VOPP1: variants seen among roughly 807,000 people sequenced by gnomAD.
The protein encoded by VOPP1 is WW domain binding protein VOPP1.
VOPP1 carries 8 observed loss-of-function variants against 23.5 expected under a neutral mutation model. The observed-to-expected ratio is 0.34, with a 90% confidence interval of 0.20 to 0.61. VOPP1 has a LOEUF of 0.61. Among genes scored for constraint, VOPP1 ranks in the 20% least tolerant of loss-of-function variants. The probability of loss-of-function intolerance (pLI) is 0.78; values close to 1 mark genes in which losing one functional copy is unlikely to be tolerated. For missense variants in VOPP1, 174 were observed against 238.1 expected, an observed-to-expected ratio of 0.73 and a Z score of 1.77; for synonymous variants, 83 against 97.3, an observed-to-expected ratio of 0.85 and a Z score of 0.86.
chr7:55,490,959 C>A (rs1341645231), intron 4 of VOPP1, among the ~76,000 whole-genome samples: 2 of 152,330 alleles, frequency 1.3e-5, no homozygotes, highest in African/African-American at 4.8e-5. Context: ...GACTTTGCAT[C>A]TTGATAACAG....
At chr7:55,502,563 C>A (rs1237478818) in intron 2 of VOPP1, among the ~76,000 whole-genome samples, 1 of 152,226 alleles carries the variant, frequency 6.6e-6, no homozygotes, top group Non-Finnish European at 1.5e-5. Context: ...ACTGTTACCC[C>A]TTTTCTGTCT....
intron 1 of VOPP1, among the ~76,000 whole-genome samples, chr7:55,532,242 C>T (rs1366505583): frequency 1.3e-5 from 2 of 152,248 alleles, no homozygotes; most frequent in African/African-American, 4.8e-5. Context: ...TAAACACACA[C>T]AGCACCTGCC....
chr7:55,442,652 C>CA (rs11302671), intron 4 of VOPP1, among the ~76,000 whole-genome samples: 25,404 of 139,238 alleles, frequency 0.18, 2,324 homozygotes, highest in Middle Eastern at 0.3. Context: ...TGAAGTAGAC[C>CA]AAAAAAAAAA....
intron 1 of VOPP1, among the ~76,000 whole-genome samples, chr7:55,524,889 C>T (rs151065638): frequency 5.3e-4 from 81 of 152,296 alleles, no homozygotes; most frequent in African/African-American, 1.9e-3. Context: ...GCACCAGCAC[C>T]AGGACTCAGG....
intron 1 of VOPP1, among the ~76,000 whole-genome samples, chr7:55,563,519 G>C (rs1798056141): frequency 6.6e-6 from 1 of 152,214 alleles, no homozygotes; most frequent in African/African-American, 2.4e-5. Flanking sequence ...CTTGGGACCA[G>C]AAGTGTTTTT....
intron 1 of VOPP1, among the ~76,000 whole-genome samples, chr7:55,562,622 T>C (rs1213876008): frequency 6.6e-6 from 1 of 152,146 alleles, no homozygotes; most frequent in African/African-American, 2.4e-5. Flanking sequence ...GGTCAACGGA[T>C]ACAAAATTGC....
At chr7:55,522,380 T>C (rs1408641209) in intron 1 of VOPP1, among the ~76,000 whole-genome samples, 1 of 152,200 alleles carries the variant, frequency 6.6e-6, no homozygotes, top group Non-Finnish European at 1.5e-5. Flanking sequence ...TGACCTAGTT[T>C]TATTAACGGA....
In VOPP1 at chr7:55,513,458, T is replaced by C. The variant is rs1159085645; in HGVS notation, c.113+7614A>G. 2.0e-5 allele frequency among the ~76,000 whole-genome samples: 3 copies of C among 152,016 alleles called. No homozygotes were observed. In the South Asian group the frequency reaches 6.3e-4, roughly 32 times the overall value. On this transcript the variant is annotated intron_variant, in intron 2 of 4. Coordinates refer to ENST00000285279, the MANE Select transcript of VOPP1 (RefSeq NM_030796.5). ...TGAATTCCCTATCGTCTCAGTGGAGTTGACTTCCGAGAAGCTTCCCCACAT... is the reference window on the plus strand; with the variant it reads ...TGAATTCCCTATCGTCTCAGTGGAGCTGACTTCCGAGAAGCTTCCCCACAT...
chr7:55,458,490 G>A (rs993970737), intron 4 of VOPP1, among the ~76,000 whole-genome samples: 4 of 152,048 alleles, frequency 2.6e-5, no homozygotes, highest in African/African-American at 9.7e-5. Flanking sequence ...AGATTGCTTT[G>A]AATCAAGTTT....
At chr7:55,487,383 C>T (rs1167118516) in intron 4 of VOPP1, among the ~76,000 whole-genome samples, 1 of 152,228 alleles carries the variant, frequency 6.6e-6, no homozygotes, top group Non-Finnish European at 1.5e-5. Flanking sequence ...CACATTAACA[C>T]CACAGATTTC....
intron 2 of VOPP1, chr7:55,516,012 AG>A: frequency 1.0e-6 from 1 of 985,536 alleles, no homozygotes; most frequent in Non-Finnish European, 1.2e-6. Flanking sequence ...AAAGGAGCTG[AG>A]GAAGCGAGGC....
chr7:55,554,063 T>G (rs1797719697), intron 1 of VOPP1, among the ~76,000 whole-genome samples: 1 of 152,222 alleles, frequency 6.6e-6, no homozygotes. Context: ...GTTGCCAAAA[T>G]GCAAAAGCTT....
intron 1 of VOPP1, among the ~76,000 whole-genome samples, chr7:55,524,630 G>T (rs891975201): frequency 6.6e-6 from 1 of 152,230 alleles, no homozygotes; most frequent in African/African-American, 2.4e-5. Flanking sequence ...ACGCCAAAAT[G>T]AGGACACAGA....
At chr7:55,510,440 T>C (rs1016107256) in intron 2 of VOPP1, among the ~76,000 whole-genome samples, 2 of 152,172 alleles carry the variant, frequency 1.3e-5, no homozygotes, top group South Asian at 4.1e-4. Flanking sequence ...CAAATAAAAC[T>C]TATTTAATCC....
intron 1 of VOPP1, among the ~76,000 whole-genome samples, chr7:55,549,345 T>G (rs1357361865): frequency 6.6e-6 from 1 of 152,042 alleles, no homozygotes; most frequent in Non-Finnish European, 1.5e-5. Flanking sequence ...GCATACAGAC[T>G]CCCTTGAACT....
chr7:55,507,891 G>A (rs779453249), intron 2 of VOPP1, among the ~76,000 whole-genome samples: 6 of 152,188 alleles, frequency 3.9e-5, no homozygotes, highest in Non-Finnish European at 7.3e-5. Flanking sequence ...CTGCTTTGAT[G>A]AGGCCTGAGC....
chr7:55,460,490 G>C (rs1035935965), intron 4 of VOPP1, among the ~76,000 whole-genome samples: 6 of 152,106 alleles, frequency 3.9e-5, no homozygotes, highest in African/African-American at 1.4e-4. Context: ...AAAATGCTGA[G>C]AGCAGATTGT....
intron 1 of VOPP1, chr7:55,552,599 A>C: frequency 6.5e-7 from 1 of 1,535,836 alleles, no homozygotes; most frequent in Non-Finnish European, 8.7e-7. Flanking sequence ...TTGATGCCTC[A>C]AAAGAAAGTG....
At chr7:55,440,195 T>A (rs959045558) in intron 4 of VOPP1, among the ~76,000 whole-genome samples, 1 of 152,114 alleles carries the variant, frequency 6.6e-6, no homozygotes, top group African/African-American at 2.4e-5. Flanking sequence ...AGGGTACACA[T>A]AGTGACAAGC....
Sources: gnomAD v4.1 joint callset for allele counts (sites outside exome capture counted in the v4.1 genomes callset) on GRCh38, gnomAD v4.1.1 for gene constraint, MANE v1.5 for transcripts, NCBI Gene and HGNC (gene_info 2026-07-23, HGNC 2026-07-21) for gene names.